The following NELL1 variants were observed in gnomAD, a reference collection of about 807,000 sequenced individuals.
NELL1 encodes the protein protein kinase C-binding protein NELL1.
Under a neutral mutation model 107.4 loss-of-function variants are expected in NELL1, and 76 were observed. The ratio of observed to expected loss-of-function variants is 0.71; its 90% CI spans 0.59 to 0.86. NELL1 has a LOEUF of 0.86. Ranked by LOEUF, NELL1 falls within the 40% of genes least tolerant of loss-of-function variation. The probability of loss-of-function intolerance (pLI) is 0.00; values close to 1 mark genes in which losing one functional copy is unlikely to be tolerated. For synonymous variants in NELL1, 353 were observed against 341.2 expected (o/e 1.03, Z -0.38); for missense variants, 1,024 against 1,005.5 (o/e 1.02, Z -0.25).
At chr11:21,396,565 C>G (rs1352017737) in intron 15 of NELL1, among the ~76,000 whole-genome samples, 1 of 151,360 alleles carries the variant, frequency 6.6e-6, no homozygotes, top group Non-Finnish European at 1.5e-5. Context: ...TTGCCAAGTA[C>G]AAAGATAATT....
At chr11:21,470,147 T>C (rs1169436518) in intron 15 of NELL1, among the ~76,000 whole-genome samples, 1 of 152,084 alleles carries the variant, frequency 6.6e-6, no homozygotes, top group Non-Finnish European at 1.5e-5. Flanking sequence ...TCTCAAAGAA[T>C]TGAGGTAAAG....
chr11:21,502,706 C>G (rs951083902), intron 15 of NELL1, among the ~76,000 whole-genome samples: 2 of 152,146 alleles, frequency 1.3e-5, no homozygotes, highest in African/African-American at 4.8e-5. Context: ...GTAGATGTAT[C>G]ACAGTGGCCC....
chr11:20,795,507 C>T (rs1018964758), intron 3 of NELL1, among the ~76,000 whole-genome samples: 13 of 152,042 alleles, frequency 8.6e-5, no homozygotes, highest in Non-Finnish European at 1.9e-4. Flanking sequence ...TTTATTTTTT[C>T]GGATTCAAAT....
intron 15 of NELL1, chr11:21,504,005 C>G (rs1468806528): frequency 6.6e-6 from 1 of 152,184 alleles, no homozygotes; most frequent in Admixed American, 6.5e-5. Context: ...AACTATTGAG[C>G]TGATTCTCAA....
chr11:21,354,137 T>C (rs1251327052), intron 14 of NELL1, among the ~76,000 whole-genome samples: 2 of 152,232 alleles, frequency 1.3e-5, no homozygotes, highest in African/African-American at 2.4e-5. Context: ...CAATGTCACA[T>C]AGCTAGAAAA....
intron 14 of NELL1, among the ~76,000 whole-genome samples, chr11:21,306,203 C>A (rs184098075): frequency 6.6e-6 from 1 of 152,044 alleles, no homozygotes; most frequent in East Asian, 1.9e-4. Flanking sequence ...AAAGCCAAGT[C>A]TCAGTCAAGC....
intron 16 of NELL1, among the ~76,000 whole-genome samples, chr11:21,553,122 T>G (rs1029473538): frequency 3.3e-5 from 5 of 151,834 alleles, no homozygotes; most frequent in African/African-American, 1.2e-4. Context: ...CTTTGTAACC[T>G]CCCTGTGACT....
intron 12 of NELL1, among the ~76,000 whole-genome samples, chr11:20,985,170 G>T (rs1851828242): frequency 6.6e-6 from 1 of 152,092 alleles, no homozygotes; most frequent in South Asian, 2.1e-4. Context: ...TTGAATAGTA[G>T]AAAATTCATT....
intron 12 of NELL1, among the ~76,000 whole-genome samples, chr11:20,969,225 T>C (rs774042857): frequency 6.6e-6 from 1 of 152,104 alleles, no homozygotes; most frequent in Non-Finnish European, 1.5e-5. Context: ...TATCATCTCA[T>C]TTGGATTTAT....
At chr11:21,190,117 C>G (rs1857017916) in intron 13 of NELL1, among the ~76,000 whole-genome samples, 2 of 151,728 alleles carry the variant, frequency 1.3e-5, no homozygotes, top group Non-Finnish European at 2.9e-5. Context: ...CTTTGGGAGG[C>G]CGAGGTGGGT....
At chr11:21,018,115 C>G (rs1354838351) in intron 12 of NELL1, among the ~76,000 whole-genome samples, 1 of 152,202 alleles carries the variant, frequency 6.6e-6, no homozygotes, top group East Asian at 1.9e-4. Flanking sequence ...CCTTATTTAT[C>G]AGGCTTGATT....
At chr11:20,785,098 A>G (rs1287067311) in intron 3 of NELL1, among the ~76,000 whole-genome samples, 4 of 152,218 alleles carry the variant, frequency 2.6e-5, no homozygotes, top group African/African-American at 4.8e-5. Context: ...CAGAAGGAAC[A>G]GTGTGCACAG....
At chr11:21,357,426 A>G (rs561034169) in intron 14 of NELL1, among the ~76,000 whole-genome samples, 5 of 152,170 alleles carry the variant, frequency 3.3e-5, no homozygotes, top group Non-Finnish European at 5.9e-5. Context: ...ATTTTTTTGT[A>G]TATTCGTTGG....
chr11:20,931,594 A>G (rs893661116), intron 9 of NELL1, among the ~76,000 whole-genome samples: 1 of 152,198 alleles, frequency 6.6e-6, no homozygotes, highest in Non-Finnish European at 1.5e-5. Flanking sequence ...ATAAAAAAAG[A>G]CAAAGAAAAA....
chr11:20,917,394 GTTA>G (rs1425613007), intron 5 of NELL1, among the ~76,000 whole-genome samples: 1 of 151,872 alleles, frequency 6.6e-6, no homozygotes, highest in Non-Finnish European at 1.5e-5. Context: ...GCACATATAT[GTTA>G]AATGTTACTC....
At chr11:20,881,907 T>G (rs963071063) in intron 4 of NELL1, among the ~76,000 whole-genome samples, 2 of 152,222 alleles carry the variant, frequency 1.3e-5, no homozygotes, top group African/African-American at 4.8e-5. Context: ...CAATCAGCTA[T>G]TTGCTGATGT....
intron 15 of NELL1, among the ~76,000 whole-genome samples, chr11:21,524,399 G>A (rs1049486176): frequency 2.6e-5 from 4 of 152,068 alleles, no homozygotes; most frequent in African/African-American, 4.8e-5. Context: ...TGTAAGAATC[G>A]TAGAATATTC....
intron 2 of NELL1, among the ~76,000 whole-genome samples, chr11:20,748,065 C>T (rs1856043279): frequency 6.6e-6 from 1 of 152,138 alleles, no homozygotes. Context: ...GTTAGCCCTC[C>T]AACATGTCAG....
intron 2 of NELL1, among the ~76,000 whole-genome samples, chr11:20,752,547 C>T (rs1306578073): frequency 6.6e-6 from 1 of 152,144 alleles, no homozygotes; most frequent in Non-Finnish European, 1.5e-5. Context: ...GAAACTCCAT[C>T]TCTAAATAAA....
Sources: allele counts gnomAD v4.1 joint callset (sites outside exome capture counted in the v4.1 genomes callset), GRCh38; gene constraint gnomAD v4.1.1; transcripts MANE v1.5; gene names NCBI Gene and HGNC (gene_info 2026-07-23, HGNC 2026-07-21).